The following ATXN10 variants were observed in gnomAD, a reference collection of about 807,000 sequenced individuals.
ATXN10 encodes ataxin 10.
In ATXN10, 28 loss-of-function variants were observed where a neutral mutation model predicts 52.9. That is an observed-to-expected ratio of 0.53 (90% CI 0.39 to 0.73). The LOEUF (loss-of-function observed/expected upper bound fraction) is 0.73. Ranked by LOEUF, ATXN10 falls within the 30% of genes least tolerant of loss-of-function variation. ATXN10 has a pLI of 0.00. For synonymous variants in ATXN10, 226 were observed against 221.5 expected (o/e 1.02, Z -0.18); for missense variants, 565 against 577.0 (o/e 0.98, Z 0.21).
Position 45,708,299 on chromosome 22 carries a change from G to A in ATXN10, c.647+5452G>A, listed in dbSNP as rs1418585878. Among the ~76,000 whole-genome samples, 1 of 152,220 alleles carries A rather than the reference G, an allele frequency of 6.6e-6. No individual in the cohort carries two copies. The highest frequency in any genetic ancestry group is 1.9e-4 in the East Asian group (1 of 5,194). On this transcript the variant is annotated intron_variant, in intron 5 of 11. Coordinates refer to ENST00000252934, the MANE Select transcript of ATXN10 (RefSeq NM_013236.4). The surrounding 1 kb of genome is among the most constrained non-coding windows in gnomAD (Gnocchi z 5.3). ...GTGCACTGGTAGGTTAGGTCAGTCA[G>A]TGCAGAATTACACAGTAGAGGAAGA...
At position 45,826,562 on chromosome 22, in the gene ATXN10, A is replaced by G. The variant is rs1928820949; in HGVS notation, c.1238-16429A>G. Among the ~76,000 whole-genome samples, 1 of 152,246 alleles carries G rather than the reference A, an allele frequency of 6.6e-6. No individual in the cohort carries two copies. The highest frequency in any genetic ancestry group is 1.5e-5 in the Non-Finnish European group (1 of 68,044). On this transcript the variant is annotated intron_variant, in intron 10 of 11. Coordinates refer to ENST00000252934, the MANE Select transcript of ATXN10 (RefSeq NM_013236.4). This position sits in a 1 kb window ranked among gnomAD's most constrained non-coding sequence, Gnocchi z 5.0. The stretch of plus-strand genomic sequence containing the variant: ...AGGAAGAAGCAGCCCATCACATGCA[A>G]GAGATAATCCATAGGATTACCAGCA...
intron 1 of ATXN10, among the ~76,000 whole-genome samples, chr22:45,685,112 G>A (rs1344362219): frequency 2.7e-5 from 4 of 145,728 alleles, no homozygotes; most frequent in African/African-American, 1.0e-4. Context: ...TTTTTTTTCA[G>A]TAGGAGGTCC....
intron 9 of ATXN10, among the ~76,000 whole-genome samples, chr22:45,760,346 T>C (rs754437724): frequency 5.9e-5 from 9 of 152,148 alleles, no homozygotes; most frequent in Admixed American, 1.3e-4. Context: ...GTGATTATTA[T>C]TCAACATCGT....
intron 3 of ATXN10, among the ~76,000 whole-genome samples, chr22:45,698,427 A>G (rs1238953347): frequency 2.6e-5 from 4 of 152,296 alleles, no homozygotes; most frequent in South Asian, 2.1e-4. Flanking sequence ...AGAAATGTCT[A>G]TTTGAGTCCT....
intron 9 of ATXN10, among the ~76,000 whole-genome samples, chr22:45,796,176 C>G (rs1046184920): frequency 2.6e-5 from 4 of 152,214 alleles, no homozygotes; most frequent in Admixed American, 1.3e-4. Flanking sequence ...GAGTGTCTGT[C>G]TTATGCAGTT....
At chr22:45,723,231 T>G (rs931038705) in intron 6 of ATXN10, among the ~76,000 whole-genome samples, 4 of 152,156 alleles carry the variant, frequency 2.6e-5, no homozygotes, top group African/African-American at 9.7e-5. Flanking sequence ...TATCTATATT[T>G]TATATAGACA....
Position 45,784,717 on chromosome 22 carries a change from G to C in ATXN10, c.1174-22242G>C, listed in dbSNP as rs1020788312. 2.0e-5 allele frequency among the ~76,000 whole-genome samples: 3 copies of C among 152,212 alleles called. No homozygotes were observed. Among genetic ancestry groups the C allele is most frequent in the Non-Finnish European group, 2.9e-5 (2 of 68,038 alleles). ...TGGCTATTCTTACACATTCCAGATA[G>C]TCATTCTGAGGGCTGCTGTGTGGCA... On this transcript the variant is annotated intron_variant, in intron 9 of 11. Transcript: ENST00000252934. The surrounding 1 kb of genome is among the most constrained non-coding windows in gnomAD (Gnocchi z 4.2).
In ATXN10 at chr22:45,824,449, G is replaced by A. The variant is rs990522865; in HGVS notation, c.1237+17427G>A. ...TTTCTCTGCATCTAACTCTCCTCAA[G>A]GCACTAAATTGATATTTAGAGTAAA... is the stretch of plus-strand genomic sequence containing the variant. On this transcript the variant is annotated intron_variant, in intron 10 of 11. Transcript: ENST00000252934. This position sits in a 1 kb window ranked among gnomAD's most constrained non-coding sequence, Gnocchi z 5.2. 6.6e-6 allele frequency among the ~76,000 whole-genome samples: 1 copy of A among 152,016 alleles called. No individual in the cohort carries two copies.
At chr22:45,711,503 C>G (rs1215945114) in intron 5 of ATXN10, among the ~76,000 whole-genome samples, 1 of 152,006 alleles carries the variant, frequency 6.6e-6, no homozygotes, top group African/African-American at 2.4e-5. Context: ...CACAGCTACT[C>G]CTGAGTAAAG....
At chr22:45,753,600 T>C (rs1926070964) in intron 9 of ATXN10, among the ~76,000 whole-genome samples, 1 of 151,874 alleles carries the variant, frequency 6.6e-6, no homozygotes, top group Non-Finnish European at 1.5e-5. Context: ...AGAGATGCGG[T>C]TTCACTATGT....
intron 9 of ATXN10, among the ~76,000 whole-genome samples, chr22:45,746,615 G>A (rs1226072010): frequency 1.3e-5 from 2 of 152,122 alleles, no homozygotes; most frequent in Non-Finnish European, 2.9e-5. Flanking sequence ...CTCAGGCAGG[G>A]CCAGCTTCTA....
In ATXN10 at chr22:45,795,415, ATTCT is replaced by A. The variant is rs1927693037; in HGVS notation, c.1174-11543_1174-11540del. On this transcript the variant is annotated intron_variant, in intron 9 of 11. Coordinates refer to ENST00000252934, the MANE Select transcript of ATXN10 (RefSeq NM_013236.4). The surrounding 1 kb of genome is among the most constrained non-coding windows in gnomAD (Gnocchi z 4.6). ...ATTCTATTCTATTCTATTCTATTCT[ATTCT>A]ATTCTTTTTGAGATGAAGTCTCTCT... Among the ~76,000 whole-genome samples, 1 of 134,076 alleles carries A rather than the reference ATTCT, an allele frequency of 7.5e-6. No individual in the cohort carries two copies. The highest frequency in any genetic ancestry group is 2.8e-5 in the African/African-American group (1 of 35,282). The allele number at this position is 134,076 out of a possible 152,430, so 88.0% of individuals were successfully genotyped here. A position where few individuals can be genotyped will look rare whatever the true frequency, so the allele number is the denominator to read the frequency against.
At chr22:45,776,917 C>T (rs1166262283) in intron 9 of ATXN10, among the ~76,000 whole-genome samples, 1 of 151,930 alleles carries the variant, frequency 6.6e-6, no homozygotes, top group Non-Finnish European at 1.5e-5. Context: ...GCTTTTTATT[C>T]CTATGCATCA....
chr22:45,707,232 T>C (rs1266289142), intron 5 of ATXN10, among the ~76,000 whole-genome samples: 2 of 152,184 alleles, frequency 1.3e-5, no homozygotes, highest in East Asian at 1.9e-4. Flanking sequence ...GAGTAAGCCT[T>C]GAGCACCTGT....
Position 45,787,213 on chromosome 22 carries a change from G to A in ATXN10, c.1174-19746G>A, listed in dbSNP as rs1290684839. On this transcript the variant is annotated intron_variant, in intron 9 of 11. Transcript: ENST00000252934. The surrounding 1 kb of genome is among the most constrained non-coding windows in gnomAD (Gnocchi z 4.2). ...AAAACACAGAGAATTTTCATGGATA[G>A]GATCTGTCCCCATCTCAGGGTTGGG... Among the ~76,000 whole-genome samples the A allele has an allele frequency of 6.6e-6, 1 of 152,162 alleles. No individual in the cohort carries two copies. The highest frequency in any genetic ancestry group is 2.4e-5 in the African/African-American group (1 of 41,436).
At chr22:45,751,756 AAAAAAAAAATAAT>A (rs1925971518) in intron 9 of ATXN10, among the ~76,000 whole-genome samples, 2 of 54,366 alleles carry the variant, frequency 3.7e-5, no homozygotes, top group African/African-American at 1.3e-4. Context: ...AAAAAAAAAT[AAAAAAAAAATAAT>A]AATAATAATA....
intron 7 of ATXN10, among the ~76,000 whole-genome samples, chr22:45,734,046 C>T (rs1307134102): frequency 1.3e-5 from 2 of 151,932 alleles, no homozygotes; most frequent in Admixed American, 6.6e-5. Context: ...CATTTGTTCC[C>T]TATAGACTTT....
In ATXN10 at chr22:45,672,079, C is replaced by T; in HGVS notation, c.16C>T (p.Pro6Ser). The T allele has an allele frequency of 6.5e-7, 1 of 1,537,896 alleles. No homozygotes were observed. Among genetic ancestry groups the T allele is most frequent in the Non-Finnish European group, 8.7e-7 (1 of 1,145,348 alleles). Residue 6 changes from proline to serine, a missense_variant, in exon 1 of 12, where the codon CCG (proline) becomes TCG (serine). Pro to Ser is a moderately conservative substitution (Grantham distance 74, BLOSUM62 -1). Coordinates refer to ENST00000252934, the MANE Select transcript of ATXN10 (RefSeq NM_013236.4). MAAPRPPPARLSGVMV... is the reference protein window; with the variant it reads MAAPRSPPARLSGVMV... ...GAGCGGCAAGATGGCGGCGCCCAGG[C>T]CGCCGCCTGCCAGGCTGTCGGGCGT... is the stretch of plus-strand genomic sequence containing the variant.
chr22:45,782,629 A>G (rs1927188497), intron 9 of ATXN10, among the ~76,000 whole-genome samples: 1 of 152,196 alleles, frequency 6.6e-6, no homozygotes, highest in Non-Finnish European at 1.5e-5. Flanking sequence ...CAACTGGGAG[A>G]GGACACAAGG....
Sources: gnomAD v4.1 joint callset for allele counts (sites outside exome capture counted in the v4.1 genomes callset) on GRCh38, gnomAD v4.1.1 for gene constraint, Gnocchi (gnomAD v3.1) non-coding constraint, MANE v1.5 for transcripts, NCBI Gene and HGNC (gene_info 2026-07-23, HGNC 2026-07-21) for gene names.